The following CHST8 variants were observed in gnomAD, a reference collection of about 807,000 sequenced individuals.
CHST8 encodes the protein carbohydrate sulfotransferase 8.
Under a neutral mutation model 15.0 loss-of-function variants are expected in CHST8, and 10 were observed. That is an observed-to-expected ratio of 0.67 (90% CI 0.41 to 1.13). The LOEUF (loss-of-function observed/expected upper bound fraction) is 1.13, where lower values mean the gene tolerates loss of function less well. CHST8 is among the 50% of genes most tolerant of loss of function. The pLI, the probability that CHST8 is intolerant of heterozygous loss-of-function variation, is 0.00. For synonymous variants in CHST8, 259 were observed against 256.6 expected (o/e 1.01, Z -0.09); for missense variants, 634 against 608.2 (o/e 1.04, Z -0.45).
At chr19:33,659,285 G>A (rs73589020) in intron 1 of CHST8, among the ~76,000 whole-genome samples, 4,583 of 151,908 alleles carry the variant, frequency 0.03, 205 homozygotes, top group African/African-American at 0.099. Flanking sequence ...GGCTGATTTC[G>A]AACTCCTAAC....
intron 1 of CHST8, among the ~76,000 whole-genome samples, chr19:33,659,379 A>G (rs12983177): frequency 0.25 from 37,604 of 151,948 alleles, 5,455 homozygotes; most frequent in African/African-American, 0.37. Context: ...AATGACTTCT[A>G]TTGAGATTTT....
chr19:33,726,107 C>G (rs934580564), intron 3 of CHST8, among the ~76,000 whole-genome samples: 2 of 152,234 alleles, frequency 1.3e-5, no homozygotes, highest in Non-Finnish European at 2.9e-5. Flanking sequence ...CCTTCAGCAA[C>G]CGGGCAGAAG....
At chr19:33,653,858 CTT>C (rs1374378205) in intron 1 of CHST8, among the ~76,000 whole-genome samples, 1 of 152,168 alleles carries the variant, frequency 6.6e-6, no homozygotes, top group Non-Finnish European at 1.5e-5. Context: ...TTAATGTTCT[CTT>C]GAGTGCCCTA....
chr19:33,628,729 C>T (rs963394571), intron 1 of CHST8, among the ~76,000 whole-genome samples: 8 of 152,202 alleles, frequency 5.3e-5, no homozygotes, highest in Non-Finnish European at 1.0e-4. Flanking sequence ...ACACCATTCA[C>T]GCCATCTGTC....
At chr19:33,657,963 C>CTGTA (rs548814064) in intron 1 of CHST8, among the ~76,000 whole-genome samples, 29 of 152,344 alleles carry the variant, frequency 1.9e-4, no homozygotes, top group Admixed American at 1.8e-3. Flanking sequence ...CATACCAGAA[C>CTGTA]TGTACACTGA....
intron 3 of CHST8, among the ~76,000 whole-genome samples, chr19:33,757,636 C>T (rs1974629476): frequency 6.6e-6 from 1 of 151,240 alleles, no homozygotes; most frequent in South Asian, 2.1e-4. Flanking sequence ...CAGAAAGGGG[C>T]TCTTGGACAG....
intron 1 of CHST8, among the ~76,000 whole-genome samples, chr19:33,640,420 T>C (rs921135231): frequency 1.3e-5 from 2 of 152,180 alleles, no homozygotes; most frequent in African/African-American, 2.4e-5. Context: ...GGTCTGTCCG[T>C]TCCTGTTCCA....
intron 1 of CHST8, among the ~76,000 whole-genome samples, chr19:33,647,297 T>C (rs1043385745): frequency 6.6e-6 from 1 of 152,162 alleles, no homozygotes. Context: ...AGCAGGAGAC[T>C]ATCACGTCCT....
At chr19:33,668,750 A>G (rs1414551611) in intron 2 of CHST8, among the ~76,000 whole-genome samples, 1 of 152,126 alleles carries the variant, frequency 6.6e-6, no homozygotes, top group Admixed American at 6.6e-5. Context: ...CTGGGGGTAG[A>G]GCGCTGCAGA....
intron 3 of CHST8, among the ~76,000 whole-genome samples, chr19:33,719,093 G>A (rs2145306253): frequency 6.6e-6 from 1 of 152,250 alleles, no homozygotes; most frequent in Admixed American, 6.5e-5. Flanking sequence ...TGTCATAGGT[G>A]TGACACTGCA....
chr19:33,686,710 G>A (rs1300140948), intron 2 of CHST8, among the ~76,000 whole-genome samples: 1 of 152,210 alleles, frequency 6.6e-6, no homozygotes, highest in Non-Finnish European at 1.5e-5. Context: ...GCTTCCCGGT[G>A]TCTGACTCAG....
intron 2 of CHST8, among the ~76,000 whole-genome samples, chr19:33,687,794 A>C (rs1973010678): frequency 1.3e-5 from 2 of 152,000 alleles, no homozygotes; most frequent in South Asian, 2.1e-4. Flanking sequence ...TGCTCCATGG[A>C]CTGGGTGTGG....
At chr19:33,687,640 A>T (rs948021517) in intron 2 of CHST8, among the ~76,000 whole-genome samples, 2 of 152,134 alleles carry the variant, frequency 1.3e-5, no homozygotes, top group Non-Finnish European at 2.9e-5. Flanking sequence ...AAGTTAACTG[A>T]GTGAAAAAAT....
chr19:33,652,120 C>A (rs924482125), intron 1 of CHST8, among the ~76,000 whole-genome samples: 1 of 151,978 alleles, frequency 6.6e-6, no homozygotes, highest in Non-Finnish European at 1.5e-5. Flanking sequence ...ATGATTATGC[C>A]TTCCTAGTGA....
chr19:33,773,203 C>T lies in CHST8; in HGVS notation c.*140C>T. 1 of 1,043,002 alleles carries T rather than the reference C, an allele frequency of 9.6e-7. No homozygotes were observed. 64.6% of individuals were successfully genotyped at this position (1,043,002 alleles called of 1,614,324 possible). The stretch of plus-strand genomic sequence containing the variant: ...AGCCATCGCTGTGGGAGGCAGCAGG[C>T]CCCGGGTGGGGGGCAGAGGCGCCCA... On this transcript the variant is annotated 3_prime_UTR_variant, in exon 5 of 5. Coordinates refer to ENST00000650847, the MANE Select transcript of CHST8 (RefSeq NM_001127895.2).
intron 3 of CHST8, among the ~76,000 whole-genome samples, chr19:33,691,865 G>A (rs999611284): frequency 1.3e-5 from 2 of 152,192 alleles, no homozygotes; most frequent in African/African-American, 4.8e-5. Context: ...GCGGATCTAC[G>A]GAGGAAATTC....
At position 33,772,296 on chromosome 19, in the gene CHST8, A is replaced by AGCG; in HGVS notation, c.510_511insGGC (p.Ser170_Ser171insGly). ...GGAGGCCTGCGCCAAGTACCGGGCG[A>AGCG]GCAGCAGCCGCCGGGCCGTCACGCC... On this transcript the variant is annotated inframe_insertion, in exon 5 of 5. Coordinates refer to ENST00000650847, the MANE Select transcript of CHST8 (RefSeq NM_001127895.2). The AGCG allele has an allele frequency of 1.2e-6, 2 of 1,601,772 alleles. No homozygotes were observed. Among genetic ancestry groups the AGCG allele is most frequent in the Non-Finnish European group, 1.7e-6 (2 of 1,178,572 alleles).
intron 3 of CHST8, among the ~76,000 whole-genome samples, chr19:33,693,779 G>A (rs921451157): frequency 2.0e-5 from 3 of 151,880 alleles, no homozygotes; most frequent in Non-Finnish European, 4.4e-5. Flanking sequence ...GGGGAGTTTT[G>A]GGGGACAGGA....
At chr19:33,675,231 C>T (rs1248248878) in intron 2 of CHST8, among the ~76,000 whole-genome samples, 1 of 152,126 alleles carries the variant, frequency 6.6e-6, no homozygotes. Context: ...CAGAGCATCC[C>T]CTCAGCCCCA....
Sources: allele counts gnomAD v4.1 joint callset (sites outside exome capture counted in the v4.1 genomes callset), GRCh38; gene constraint gnomAD v4.1.1; transcripts MANE v1.5; gene names NCBI Gene and HGNC (gene_info 2026-07-23, HGNC 2026-07-21).